MANBA: variants seen among roughly 807,000 people sequenced by gnomAD.
MANBA encodes the protein beta-mannosidase.
MANBA carries 83 observed loss-of-function variants against 111.1 expected under a neutral mutation model. The observed-to-expected ratio is 0.75, with a 90% confidence interval of 0.63 to 0.90. The LOEUF is 0.90. Ranked by LOEUF, MANBA falls within the 40% of genes least tolerant of loss-of-function variation. The probability of loss-of-function intolerance (pLI) is 0.00; values close to 1 mark genes in which losing one functional copy is unlikely to be tolerated. For synonymous variants in MANBA, 370 were observed against 378.7 expected (o/e 0.98, Z 0.27); for missense variants, 1,036 against 1,069.0 (o/e 0.97, Z 0.43).
chr4:102,722,686 T>C, intron 4 of MANBA, 185 bp downstream of exon 4: 4 of 647,790 alleles, frequency 6.2e-6, no homozygotes, highest in East Asian at 5.6e-5. Context: ...TAGAAAAAGA[T>C]AAAGATTCTC....
Position 102,631,824 on chromosome 4 carries a change from G to A in MANBA, c.*233C>T. The stretch of plus-strand genomic sequence containing the variant: ...GGTGAAGGGCTAAAAACACAGTCCT[G>A]GCACAGATTCCAGGACACCCCGGCA... On this transcript the variant is annotated 3_prime_UTR_variant, in exon 17 of 17. Transcript: ENST00000647097. 1.6e-6 allele frequency: 1 copy of A among 617,194 alleles called. No homozygotes were observed. Among genetic ancestry groups the A allele is most frequent in the Non-Finnish European group, 2.9e-6 (1 of 347,520 alleles). 38.2% of individuals were successfully genotyped at this position (617,194 alleles called of 1,614,324 possible). A position where few individuals can be genotyped will look rare whatever the true frequency, so the allele number is the denominator to read the frequency against.
chr4:102,694,392 C>T (rs1732616471), intron 5 of MANBA, among the ~76,000 whole-genome samples: 2 of 152,240 alleles, frequency 1.3e-5, no homozygotes, highest in East Asian at 1.9e-4. Context: ...TCTTAAATAA[C>T]CAGTAGTTTT....
intron 5 of MANBA, among the ~76,000 whole-genome samples, chr4:102,701,834 T>C (rs1733064436): frequency 6.6e-6 from 1 of 150,598 alleles, no homozygotes; most frequent in Admixed American, 6.6e-5. Flanking sequence ...GACAATTATG[T>C]GTCTTGGAGT....
At chr4:102,701,456 C>A (rs949754165) in intron 5 of MANBA, among the ~76,000 whole-genome samples, 3 of 151,474 alleles carry the variant, frequency 2.0e-5, no homozygotes, top group South Asian at 2.1e-4. Context: ...TCCTAGTCTC[C>A]ATGGTCTTTA....
At chr4:102,751,134 TAGAATGTACACTGA>T (rs1723773572) in intron 1 of MANBA, among the ~76,000 whole-genome samples, 1 of 152,172 alleles carries the variant, frequency 6.6e-6, no homozygotes, top group Non-Finnish European at 1.5e-5. Flanking sequence ...AATACAAAAG[TAGAATGTACACTGA>T]TGCACATATA....
chr4:102,749,027 C>A (rs80208033), intron 1 of MANBA, among the ~76,000 whole-genome samples: 5 of 150,942 alleles, frequency 3.3e-5, no homozygotes, highest in Non-Finnish European at 7.4e-5. Flanking sequence ...AGGTTGATAG[C>A]GGTAGAAATG....
intron 1 of MANBA, among the ~76,000 whole-genome samples, chr4:102,753,399 T>C (rs1723881995): frequency 1.3e-5 from 2 of 152,178 alleles, no homozygotes; most frequent in South Asian, 4.1e-4. Flanking sequence ...TTTAAAAGAA[T>C]TTTAATCATG....
In MANBA at chr4:102,714,491, A is replaced by C. The variant is rs1560792127; in HGVS notation, c.620T>G (p.Ile207Ser). The part of the protein sequence containing the change: ...PTQGIWKDVR[I>S]EAYNICHLNY... ...CAGGTGACAAATATTATAGGCTTCA[A>C]TTCTAACATCTTTCCAGATTCCCTG... is the stretch of plus-strand genomic sequence containing the variant. Residue 207 changes from isoleucine to serine, a missense_variant, in exon 5 of 17, where the codon ATT becomes AGT. By Grantham distance (142) the Ile-to-Ser change is moderately radical (BLOSUM62 -2). Transcript: ENST00000647097. 6.2e-7 allele frequency: 1 copy of C among 1,604,226 alleles called. No individual in the cohort carries two copies. Among genetic ancestry groups the C allele is most frequent in the Non-Finnish European group, 8.5e-7 (1 of 1,171,028 alleles).
intron 5 of MANBA, among the ~76,000 whole-genome samples, chr4:102,692,771 A>G (rs1732541489): frequency 6.6e-6 from 1 of 152,066 alleles, no homozygotes; most frequent in African/African-American, 2.4e-5. Flanking sequence ...CTCCAAAGGA[A>G]GGGGAGGGGG....
At chr4:102,657,228 G>GC (rs1560752384) in intron 12 of MANBA, among the ~76,000 whole-genome samples, 1 of 120,698 alleles carries the variant, frequency 8.3e-6, no homozygotes, top group Non-Finnish European at 1.7e-5. Context: ...GGGGTGGGGG[G>GC]GGGGTGGGCG....
intron 6 of MANBA, 65 bp downstream of exon 6, chr4:102,690,531 T>C (rs1272236142): frequency 1.9e-5 from 28 of 1,474,950 alleles, no homozygotes; most frequent in Admixed American, 6.8e-5. Flanking sequence ...CCCTCCTTTC[T>C]AATCATTTCT....
At chr4:102,665,537 T>C (rs988248684) in intron 10 of MANBA, 2 of 152,260 alleles carry the variant, frequency 1.3e-5, no homozygotes, top group Admixed American at 6.5e-5. Flanking sequence ...TGTACCTAAA[T>C]ATAAAAGGGA....
chr4:102,650,548 A>G lies in MANBA; in HGVS notation c.1858T>C (p.Tyr620His). The G allele has an allele frequency of 6.2e-7, 1 of 1,612,394 alleles. No individual in the cohort carries two copies. The highest frequency in any genetic ancestry group is 8.5e-7 in the Non-Finnish European group (1 of 1,178,422). The change falls in exon 13 of 17, where the codon TAC (tyrosine) becomes CAC (histidine). Residue 620 changes from tyrosine (Y) to histidine (H), a missense_variant. Tyr to His is a moderately conservative substitution (Grantham distance 83, BLOSUM62 2). Transcript: ENST00000647097. Reference sequence around the variant, plus strand: ...TGAAAACAACTTACCTGAGTAAGGTAGATGGTATCTTTAAATGTGCGTAAT... The same window carrying G: ...TGAAAACAACTTACCTGAGTAAGGTGGATGGTATCTTTAAATGTGCGTAAT... ...DPLRTFKDTI[Y>H]LTQVMQAQCV...
Position 102,657,674 on chromosome 4 carries a change from T to A in MANBA, c.1704+8A>T. 6.3e-7 allele frequency: 1 copy of A among 1,585,842 alleles called. No individual in the cohort carries two copies. The highest frequency in any genetic ancestry group is 8.7e-7 in the Non-Finnish European group (1 of 1,154,448). ...TCTGAAACATTAGAAAATCAAACGA[T>A]GACTTACCTTTTCTAATGTACTGAA... On this transcript the variant is annotated splice_region_variant and intron_variant, in intron 12 of 16. Coordinates refer to ENST00000647097, the MANE Select transcript of MANBA (RefSeq NM_005908.4).
intron 11 of MANBA, among the ~76,000 whole-genome samples, chr4:102,660,017 G>A (rs1730854704): frequency 6.6e-6 from 1 of 152,040 alleles, no homozygotes; most frequent in African/African-American, 2.4e-5. Flanking sequence ...ATTACTCCTA[G>A]CCACACCTGC....
intron 5 of MANBA, among the ~76,000 whole-genome samples, chr4:102,708,318 C>T (rs748513079): frequency 1.3e-5 from 2 of 151,970 alleles, no homozygotes; most frequent in East Asian, 3.8e-4. Context: ...CAGACCACAA[C>T]GGAATAAAAC....
chr4:102,714,999 T>C (rs1006126339), intron 4 of MANBA, among the ~76,000 whole-genome samples: 3 of 152,206 alleles, frequency 2.0e-5, no homozygotes, highest in Non-Finnish European at 4.4e-5. Flanking sequence ...CTTCAACATA[T>C]GAATTTGGGG....
intron 5 of MANBA, among the ~76,000 whole-genome samples, chr4:102,697,151 TGAG>T (rs1019484623): frequency 1.8e-4 from 27 of 152,138 alleles, no homozygotes; most frequent in African/African-American, 6.3e-4. Flanking sequence ...ACTCAAGCAA[TGAG>T]GAGACTAATC....
At chr4:102,671,238 A>C (rs764714618) in intron 9 of MANBA, 43 bp downstream of exon 9, 3 of 1,198,482 alleles carry the variant, frequency 2.5e-6, no homozygotes, top group Non-Finnish European at 3.7e-6. Context: ...CAAACTGAGG[A>C]TATAGTAACT....
Sources: allele counts gnomAD v4.1 joint callset (sites outside exome capture counted in the v4.1 genomes callset), GRCh38; gene constraint gnomAD v4.1.1; transcripts MANE v1.5; gene names NCBI Gene and HGNC (gene_info 2026-07-23, HGNC 2026-07-21).